PPP1R7: variants seen among roughly 807,000 people sequenced by gnomAD.
The protein encoded by PPP1R7 is protein phosphatase 1 regulatory subunit 7, also known as protein phosphatase 1 regulatory subunit 22.
A neutral mutation model predicts 45.2 loss-of-function variants in PPP1R7; 18 were observed. That is an observed-to-expected ratio of 0.40 (90% CI 0.28 to 0.59). The LOEUF is 0.59. Among genes scored for constraint, PPP1R7 ranks in the 20% least tolerant of loss-of-function variants. PPP1R7 has a pLI of 0.46. For missense variants in PPP1R7, 314 were observed against 455.8 expected, an observed-to-expected ratio of 0.69 and a Z score of 2.83; for synonymous variants, 181 against 183.4, an observed-to-expected ratio of 0.99 and a Z score of 0.11.
chr2:241,171,219 CAGCT>C (rs909452103), intron 9 of PPP1R7, among the ~76,000 whole-genome samples: 5 of 152,202 alleles, frequency 3.3e-5, no homozygotes, highest in Admixed American at 6.5e-5. Context: ...CTGGGTACCA[CAGCT>C]AGCAGGGAGG....
intron 9 of PPP1R7, among the ~76,000 whole-genome samples, chr2:241,181,130 G>A (rs1011562709): frequency 1.6e-4 from 25 of 152,078 alleles, no homozygotes; most frequent in African/African-American, 4.1e-4. Flanking sequence ...CCCAGGAGGC[G>A]GAAGTTGCAG....
At position 241,158,937 on chromosome 2, in the gene PPP1R7, A is replaced by G; in HGVS notation, c.304-276A>G. On this transcript the variant is annotated intron_variant, in intron 4 of 9. Transcript: ENST00000234038. ...AGGAAGTGGCAGACACCCACACCCC[A>G]GGCCAACGCCTCCCTCCCCAACTGG... 1.8e-5 allele frequency: 8 copies of G among 447,368 alleles called. No individual in the cohort carries two copies. The South Asian group carries it at 2.1e-4, about 12-fold the overall frequency. 27.7% of individuals were successfully genotyped at this position (447,368 alleles called of 1,614,324 possible).
At chr2:241,163,596 TTTTA>T (rs1388472241) in intron 7 of PPP1R7, among the ~76,000 whole-genome samples, 195 bp downstream of exon 7, 1 of 152,218 alleles carries the variant, frequency 6.6e-6, no homozygotes, top group African/African-American at 2.4e-5. Flanking sequence ...CTTTTTTATT[TTTTA>T]TTTATTTTTT....
intron 2 of PPP1R7, 29 bp from the exon 3 acceptor site, chr2:241,157,778 G>A: frequency 6.2e-7 from 1 of 1,606,304 alleles, no homozygotes; most frequent in Non-Finnish European, 8.5e-7. Flanking sequence ...ATGGGGTTCT[G>A]AACAAATCTC....
intron 1 of PPP1R7, among the ~76,000 whole-genome samples, 194 bp downstream of exon 1, chr2:241,150,741 G>A (rs2067253894): frequency 6.6e-6 from 1 of 152,154 alleles, no homozygotes; most frequent in Admixed American, 6.5e-5. Context: ...CCCGGGGGCG[G>A]CAGCGGCCGG....
At chr2:241,167,487 G>A (rs2067739030) in intron 8 of PPP1R7, among the ~76,000 whole-genome samples, 2 of 152,156 alleles carry the variant, frequency 1.3e-5, no homozygotes, top group African/African-American at 4.8e-5. Context: ...GCTGAGGACT[G>A]TGTGGCAGGG....
intron 4 of PPP1R7, chr2:241,158,835 G>C: frequency 2.1e-6 from 1 of 470,910 alleles, no homozygotes; most frequent in Non-Finnish European, 3.9e-6. Context: ...TTAGGCACTC[G>C]CTGACTTTTA....
intron 9 of PPP1R7, among the ~76,000 whole-genome samples, chr2:241,180,706 G>C (rs1190692940): frequency 7.2e-6 from 1 of 139,414 alleles, no homozygotes; most frequent in African/African-American, 3.4e-5. Flanking sequence ...TGTAGTAACA[G>C]AGTAGCATTT....
chr2:241,159,295 A>G lies in PPP1R7; in HGVS notation c.386A>G (p.Asp129Gly). Residue 129 changes from aspartate (D) to glycine (G), a missense_variant, in exon 5 of 10, where the codon GAC becomes GGC. Physicochemically the swap from Asp to Gly is moderately conservative, Grantham distance 94 (BLOSUM62 -1). Coordinates refer to ENST00000234038, the MANE Select transcript of PPP1R7 (RefSeq NM_002712.3). ...AGTCTTCGAGAGCTGGATCTTTACG[A>G]CAACCAGATCAAGAAGATTGAGAAT... ...LQSLRELDLY[D>G]NQIKKIENLE... The G allele has an allele frequency of 6.2e-7, 1 of 1,613,866 alleles. No individual in the cohort carries two copies. The highest frequency in any genetic ancestry group is 8.5e-7 in the Non-Finnish European group (1 of 1,179,816).
upstream of PPP1R7, chr2:241,149,604 G>A (rs553764606): frequency 7.9e-6 from 12 of 1,512,284 alleles, no homozygotes; most frequent in South Asian, 8.4e-5. Context: ...TGCTAGGGAC[G>A]CACCAAACAC....
chr2:241,169,434 C>T (rs2067776645), intron 8 of PPP1R7, among the ~76,000 whole-genome samples: 1 of 152,226 alleles, frequency 6.6e-6, no homozygotes, highest in African/African-American at 2.4e-5. Flanking sequence ...TTCTTCAGAG[C>T]GTCAGGGGGT....
In PPP1R7 at chr2:241,154,070, C is replaced by T. The variant is rs188507931; in HGVS notation, c.181+466C>T. Reference sequence around the variant, plus strand: ...CAGCGTGTGCCTGTAATCCCAGTTACTCAGGAGGCTGAGGCAGGAGAACCG... The same window carrying T: ...CAGCGTGTGCCTGTAATCCCAGTTATTCAGGAGGCTGAGGCAGGAGAACCG... On this transcript the variant is annotated intron_variant, in intron 2 of 9. Transcript: ENST00000234038. Among the ~76,000 whole-genome samples the T allele has an allele frequency of 1.0e-3, 152 of 149,666 alleles. 1 individual carries two copies. Among genetic ancestry groups the T allele is most frequent in the African/African-American group, 3.6e-3 (148 of 40,608 alleles).
At chr2:241,168,581 A>T (rs1003465809) in intron 8 of PPP1R7, among the ~76,000 whole-genome samples, 1 of 152,044 alleles carries the variant, frequency 6.6e-6, no homozygotes, top group African/African-American at 2.4e-5. Context: ...TCCCTCGCAC[A>T]CTGTTGAGCC....
rs116071434 is a variant in PPP1R7 at position 241,182,621 on chromosome 2, G to T, written c.907-26G>T. The T allele has an allele frequency of 6.9e-4, 1,120 of 1,612,438 alleles. 6 individuals carry two copies. In the African/African-American group the frequency reaches 0.013, roughly 19 times the overall value. On this transcript the variant is annotated intron_variant, in intron 9 of 9. Coordinates refer to ENST00000234038, the MANE Select transcript of PPP1R7 (RefSeq NM_002712.3). Reference sequence around the variant, plus strand: ...GAGGGCTGGGCTGTTTGGTTCTAAAGGCTTTTCTGCTGTGTGTGTCCCCAG... The same window carrying T: ...GAGGGCTGGGCTGTTTGGTTCTAAATGCTTTTCTGCTGTGTGTGTCCCCAG...
intron 2 of PPP1R7, among the ~76,000 whole-genome samples, chr2:241,154,836 G>C (rs1347989076): frequency 6.6e-6 from 1 of 152,204 alleles, no homozygotes; most frequent in Non-Finnish European, 1.5e-5. Context: ...GTGTTTTCTA[G>C]ATTTGTATAC....
Position 241,183,485 on chromosome 2 carries a change from G to T in PPP1R7, c.*662G>T, listed in dbSNP as rs1481483851. 2 of 470,852 alleles carry T rather than the reference G, an allele frequency of 4.2e-6. No individual in the cohort carries two copies. Among genetic ancestry groups the T allele is most frequent in the South Asian group, 3.1e-5 (2 of 64,542 alleles). 29.2% of individuals were successfully genotyped at this position (470,852 alleles called of 1,614,324 possible). ...GTGAAAGCTCAGGTGTGGGGAGGGT[G>T]TCCTGTGTCCCACACGGTGCTGTGC... On this transcript the variant is annotated 3_prime_UTR_variant, in exon 10 of 10. Coordinates refer to ENST00000234038, the MANE Select transcript of PPP1R7 (RefSeq NM_002712.3).
chr2:241,167,096 C>A, intron 8 of PPP1R7: 1 of 1,609,392 alleles, frequency 6.2e-7, no homozygotes. Flanking sequence ...GAGCCCCCAC[C>A]CTCCTCAGCT....
chr2:241,153,687 T>G, intron 2 of PPP1R7, 83 bp downstream of exon 2: 1 of 1,540,074 alleles, frequency 6.5e-7, no homozygotes, highest in Non-Finnish European at 8.8e-7. Context: ...TGGGTGTGGG[T>G]GCTGTGTCGG....
At chr2:241,154,777 C>T (rs188203684) in intron 2 of PPP1R7, among the ~76,000 whole-genome samples, 4 of 152,272 alleles carry the variant, frequency 2.6e-5, no homozygotes, top group South Asian at 2.1e-4. Context: ...ACACATCAAA[C>T]GGGCTGAGTC....
Sources: gnomAD v4.1 joint callset for allele counts (sites outside exome capture counted in the v4.1 genomes callset) on GRCh38, gnomAD v4.1.1 for gene constraint, MANE v1.5 for transcripts, NCBI Gene and HGNC (gene_info 2026-07-23, HGNC 2026-07-21) for gene names.